EBF1: variants seen among roughly 807,000 people sequenced by gnomAD.
The protein encoded by EBF1 is EBF transcription factor 1, also known as transcription factor COE1.
Under a neutral mutation model 68.4 loss-of-function variants are expected in EBF1, and 10 were observed. The ratio of observed to expected loss-of-function variants is 0.15; its 90% CI spans 0.09 to 0.25. The LOEUF is 0.25. Ranked by LOEUF, EBF1 falls within the 10% of genes least tolerant of loss-of-function variation. The pLI is 1.00. For synonymous variants in EBF1, 298 were observed against 299.8 expected (o/e 0.99, Z 0.06); for missense variants, 509 against 794.4 (o/e 0.64, Z 4.32).
chr5:158,904,894 T>C (rs1183594825), intron 6 of EBF1, among the ~76,000 whole-genome samples: 2 of 152,206 alleles, frequency 1.3e-5, no homozygotes, highest in African/African-American at 4.8e-5. Flanking sequence ...CAATTTGTTA[T>C]TCTCCAGCAT....
intron 4 of EBF1, among the ~76,000 whole-genome samples, chr5:159,091,162 A>G (rs1218184412): frequency 6.6e-6 from 1 of 152,222 alleles, no homozygotes; most frequent in South Asian, 2.1e-4. Context: ...CTGTTCAAAC[A>G]TTCACATGGA....
intron 2 of EBF1, 94 bp from the exon 3 acceptor site, chr5:159,096,500 G>A (rs897865288): frequency 3.7e-5 from 54 of 1,450,584 alleles, no homozygotes; most frequent in East Asian, 7.3e-5. Context: ...TCCCCAAGCC[G>A]GGACCCCCGC....
intron 10 of EBF1, among the ~76,000 whole-genome samples, chr5:158,765,914 C>T (rs911099011): frequency 2.0e-5 from 3 of 152,144 alleles, no homozygotes; most frequent in African/African-American, 4.8e-5. Flanking sequence ...GACCCAGCAA[C>T]GGGAAAGAAA....
intron 6 of EBF1, among the ~76,000 whole-genome samples, chr5:158,849,092 A>C (rs1171064166): frequency 6.6e-6 from 1 of 152,240 alleles, no homozygotes. Context: ...GAAAAGTAAA[A>C]AAGAAGACAA....
intron 6 of EBF1, among the ~76,000 whole-genome samples, chr5:158,852,407 T>C (rs116640818): frequency 0.027 from 4,058 of 152,220 alleles, 84 homozygotes; most frequent in Non-Finnish European, 0.041. Flanking sequence ...TCACACATCA[T>C]TGGGGATAAT....
intron 9 of EBF1, among the ~76,000 whole-genome samples, chr5:158,783,207 T>A (rs1776759244): frequency 6.6e-6 from 1 of 152,192 alleles, no homozygotes; most frequent in South Asian, 2.1e-4. Flanking sequence ...CACTGGATCA[T>A]GTAAATAATT....
chr5:159,017,212 C>T (rs1260078247), intron 6 of EBF1, among the ~76,000 whole-genome samples: 5 of 152,184 alleles, frequency 3.3e-5, no homozygotes, highest in Non-Finnish European at 7.3e-5. Flanking sequence ...TCAATAACCA[C>T]ATCTAGCTAC....
intron 6 of EBF1, among the ~76,000 whole-genome samples, chr5:159,052,833 G>C (rs1774044740): frequency 6.6e-6 from 1 of 152,194 alleles, no homozygotes; most frequent in African/African-American, 2.4e-5. Context: ...CCTGCCCTTA[G>C]CTTTGTGTCA....
chr5:158,897,426 T>C (rs1802387982), intron 6 of EBF1, among the ~76,000 whole-genome samples: 1 of 151,510 alleles, frequency 6.6e-6, no homozygotes. Context: ...GGGTGGAGGG[T>C]TGGAGGAGGG....
intron 4 of EBF1, among the ~76,000 whole-genome samples, chr5:159,087,481 T>C (rs1476158408): frequency 6.6e-6 from 1 of 150,658 alleles, no homozygotes; most frequent in Non-Finnish European, 1.5e-5. Context: ...CACACACACA[T>C]ATATATAGAA....
chr5:158,801,507 G>A (rs773675298), intron 8 of EBF1, among the ~76,000 whole-genome samples: 2 of 151,974 alleles, frequency 1.3e-5, no homozygotes, highest in Non-Finnish European at 1.5e-5. Context: ...ACGGACAAGC[G>A]ATAAAAATCT....
chr5:158,795,399 A>G (rs1241951218), intron 9 of EBF1, among the ~76,000 whole-genome samples: 1 of 152,206 alleles, frequency 6.6e-6, no homozygotes, highest in East Asian at 1.9e-4. Flanking sequence ...CGTAGTGTAG[A>G]AAGAAGGGTG....
intron 4 of EBF1, among the ~76,000 whole-genome samples, chr5:159,087,504 T>G (rs1025827158): frequency 2.0e-5 from 3 of 151,526 alleles, no homozygotes; most frequent in Admixed American, 6.6e-5. Context: ...GCTTGGTTTT[T>G]GGAGGCAGGG....
intron 8 of EBF1, among the ~76,000 whole-genome samples, chr5:158,798,491 G>A (rs1166429746): frequency 2.0e-5 from 3 of 152,116 alleles, no homozygotes; most frequent in Admixed American, 1.3e-4. Context: ...AAGGGAGGTG[G>A]AAGGGGGTGT....
chr5:159,031,101 G>A (rs530213897), intron 6 of EBF1, among the ~76,000 whole-genome samples: 287 of 152,252 alleles, frequency 1.9e-3, no homozygotes, highest in Non-Finnish European at 3.1e-3. Context: ...TTGAACCCGC[G>A]AGGCGGAGGT....
At chr5:159,027,911 T>C (rs560665173) in intron 6 of EBF1, among the ~76,000 whole-genome samples, 1 of 152,224 alleles carries the variant, frequency 6.6e-6, no homozygotes, top group African/African-American at 2.4e-5. Context: ...CCAGCTCATA[T>C]GGATCTTTCA....
Position 158,696,652 on chromosome 5 carries a change from C to A in EBF1, c.*2459G>T. On this transcript the variant is annotated 3_prime_UTR_variant, in exon 16 of 16. Coordinates refer to ENST00000313708, the MANE Select transcript of EBF1 (RefSeq NM_024007.5). ...TCCAGTTTTTTTTATTATTATTAGT[C>A]ATCATTATTATTTCTCACCATGAAA... is the stretch of plus-strand genomic sequence containing the variant. 4.7e-6 allele frequency: 1 copy of A among 212,280 alleles called. No individual in the cohort carries two copies. The highest frequency in any genetic ancestry group is 9.5e-6 in the Non-Finnish European group (1 of 104,864). 13.1% of individuals were successfully genotyped at this position (212,280 alleles called of 1,614,324 possible). A position where few individuals can be genotyped will look rare whatever the true frequency, so the allele number is the denominator to read the frequency against.
chr5:158,770,559 C>T (rs886236706), intron 10 of EBF1, among the ~76,000 whole-genome samples: 1 of 152,162 alleles, frequency 6.6e-6, no homozygotes, highest in Non-Finnish European at 1.5e-5. Context: ...CTGACTACTT[C>T]TCGCAGCCTT....
At chr5:158,818,322 A>G (rs1784161428) in intron 8 of EBF1, among the ~76,000 whole-genome samples, 1 of 152,248 alleles carries the variant, frequency 6.6e-6, no homozygotes, top group Non-Finnish European at 1.5e-5. Flanking sequence ...TGAAAAACAC[A>G]TTTAAATGCA....
Sources: gnomAD v4.1 joint callset for allele counts (sites outside exome capture counted in the v4.1 genomes callset) on GRCh38, gnomAD v4.1.1 for gene constraint, MANE v1.5 for transcripts, NCBI Gene and HGNC (gene_info 2026-07-23, HGNC 2026-07-21) for gene names.